KIF1B: variants seen among roughly 807,000 people sequenced by gnomAD.
The protein encoded by KIF1B is kinesin family member 1B.
Under a neutral mutation model 241.9 loss-of-function variants are expected in KIF1B, and 76 were observed. The observed-to-expected ratio is 0.31, with a 90% confidence interval of 0.26 to 0.38. The LOEUF (loss-of-function observed/expected upper bound fraction) is 0.38, where lower values mean the gene tolerates loss of function less well. Ranked by LOEUF, KIF1B falls within the 10% of genes least tolerant of loss-of-function variation. The probability of loss-of-function intolerance (pLI) is 1.00; values close to 1 mark genes in which losing one functional copy is unlikely to be tolerated. For missense variants in KIF1B, 1,622 were observed against 2,271.4 expected (o/e 0.71, Z 5.81); for synonymous variants, 750 against 796.7 (o/e 0.94, Z 0.99).
At chr1:10,273,658 T>C (rs1215183402) in intron 10 of KIF1B, among the ~76,000 whole-genome samples, 1 of 121,322 alleles carries the variant, frequency 8.2e-6, no homozygotes, top group Admixed American at 1.0e-4. Context: ...ACATATTTAA[T>C]AAGAGATGGA....
At chr1:10,224,883 G>T (rs1470347380) in intron 1 of KIF1B, among the ~76,000 whole-genome samples, 1 of 152,182 alleles carries the variant, frequency 6.6e-6, no homozygotes, top group Non-Finnish European at 1.5e-5. Context: ...TGGTTTTGTG[G>T]AAGACGGTTT....
chr1:10,365,895 A>G lies in KIF1B; in HGVS notation c.4752+247A>G, dbSNP rs74746404. On this transcript the variant is annotated intron_variant, in intron 43 of 48. Transcript: ENST00000676179. This position sits in a 1 kb window ranked among gnomAD's most constrained non-coding sequence, Gnocchi z 4.0. ...AGGGATTGCTTGAGCCCAGGAGTTA[A>G]AGACAAGCCCAGGCTAACATAGTGA... 0.013 allele frequency among the ~76,000 whole-genome samples: 1,915 copies of G among 152,246 alleles called. 84 individuals are homozygous for G. Among genetic ancestry groups the G allele is most frequent in the East Asian group, 0.12 (644 of 5,174 alleles).
intron 4 of KIF1B, 87 bp downstream of exon 4, chr1:10,258,759 A>G: frequency 7.7e-7 from 1 of 1,306,812 alleles, no homozygotes. Context: ...TTTGGCGAAC[A>G]TTTATGCGGG....
At chr1:10,294,798 G>A (rs1225949154) in intron 17 of KIF1B, among the ~76,000 whole-genome samples, 4 of 152,154 alleles carry the variant, frequency 2.6e-5, no homozygotes, top group South Asian at 2.1e-4. Context: ...AACCTGGAAG[G>A]CAGAGGTTGC....
At chr1:10,226,521 A>G (rs1557648516) in intron 1 of KIF1B, among the ~76,000 whole-genome samples, 2 of 152,202 alleles carry the variant, frequency 1.3e-5, no homozygotes, top group Non-Finnish European at 2.9e-5. Context: ...GTAGAACACA[A>G]AAGAAAAAAG....
At chr1:10,324,708 T>C in intron 25 of KIF1B, 50 bp from the exon 26 acceptor site, 2 of 1,605,594 alleles carry the variant, frequency 1.2e-6, no homozygotes, top group South Asian at 1.1e-5. Context: ...AGTGAAAGTT[T>C]AATGCAATCT....
rs373663596 is a variant in KIF1B, at chr1:10,339,780, G to A, written c.3434G>A (p.Arg1145His). The change falls in exon 32 of 49, where the codon CGC (arginine) becomes CAC (histidine). Residue 1145 changes from arginine (R) to histidine (H), a missense_variant. Arg to His is a conservative substitution (Grantham distance 29). Coordinates refer to ENST00000676179, the MANE Select transcript of KIF1B (RefSeq NM_001365951.3). ...DIFCQFNFLHRHDEAFSTEPL... is the reference protein window; with the variant it reads ...DIFCQFNFLHHHDEAFSTEPL... ...TTTTTTTTATGAAGCTTTTTGCATC[G>A]CCATGATGAAGCATTCTCCACGGAG... is the stretch of plus-strand genomic sequence containing the variant. 19 of 1,613,566 alleles carry A rather than the reference G, an allele frequency of 1.2e-5. No individual in the cohort carries two copies. The highest frequency in any genetic ancestry group is 2.7e-5 in the African/African-American group (2 of 74,800).
At chr1:10,281,248 C>A (rs915851244) in intron 14 of KIF1B, among the ~76,000 whole-genome samples, 1 of 152,048 alleles carries the variant, frequency 6.6e-6, no homozygotes, top group African/African-American at 2.4e-5. Flanking sequence ...ATTTTAGTTT[C>A]TCAGGTTTAA....
Position 10,282,312 on chromosome 1 carries a change from T to G in KIF1B, c.1223-10T>G. On this transcript the variant is annotated splice_polypyrimidine_tract_variant and intron_variant, in intron 14 of 48. Coordinates refer to ENST00000676179, the MANE Select transcript of KIF1B (RefSeq NM_001365951.3). ...TACTTTTCCTGCCTTCTCTTCTTTC[T>G]ATCTCCCAGATCTGAAAGATTTTCA... 1.9e-6 allele frequency: 3 copies of G among 1,608,682 alleles called. No homozygotes were observed. The highest frequency in any genetic ancestry group is 2.6e-6 in the Non-Finnish European group (3 of 1,175,290).
chr1:10,225,326 A>G (rs1158528766), intron 1 of KIF1B, among the ~76,000 whole-genome samples: 1 of 152,114 alleles, frequency 6.6e-6, no homozygotes, highest in African/African-American at 2.4e-5. Flanking sequence ...TTAAACAAAC[A>G]AACAAAAAAT....
At chr1:10,265,555 C>G (rs1293042036) in intron 5 of KIF1B, among the ~76,000 whole-genome samples, 1 of 152,076 alleles carries the variant, frequency 6.6e-6, no homozygotes, top group Non-Finnish European at 1.5e-5. Flanking sequence ...TTTTAAAACA[C>G]AAATTAAGGC....
At chr1:10,339,337 G>A (rs1652302842) in intron 31 of KIF1B, among the ~76,000 whole-genome samples, 1 of 152,158 alleles carries the variant, frequency 6.6e-6, no homozygotes, top group African/African-American at 2.4e-5. Flanking sequence ...GCCTGGAAGA[G>A]GTGACATTTG....
In KIF1B at chr1:10,380,875, T is replaced by G; in HGVS notation, c.*4288T>G. 4.6e-6 allele frequency: 1 copy of G among 218,964 alleles called. No homozygotes were observed. The highest frequency in any genetic ancestry group is 9.2e-6 in the Non-Finnish European group (1 of 108,726). The allele number at this position is 218,964 out of a possible 1,614,324, so 13.6% of individuals were successfully genotyped here. A position where few individuals can be genotyped will look rare whatever the true frequency, so the allele number is the denominator to read the frequency against. ...CAGGAATGTTTTAATTTGTGCTTCC[T>G]TAGTAAATTGAAATATCAGCTGAGA... On this transcript the variant is annotated 3_prime_UTR_variant, in exon 49 of 49. Coordinates refer to ENST00000676179, the MANE Select transcript of KIF1B (RefSeq NM_001365951.3).
chr1:10,366,170 G>T (rs1304105452), intron 43 of KIF1B, among the ~76,000 whole-genome samples: 1 of 152,188 alleles, frequency 6.6e-6, no homozygotes, highest in Non-Finnish European at 1.5e-5. Context: ...GGCGGAGATT[G>T]CAGTGAGCCG....
rs750119370 is a variant in KIF1B, at chr1:10,374,474, T to C, written c.5096+9T>C. The C allele has an allele frequency of 2.5e-6, 4 of 1,613,998 alleles. No homozygotes were observed. The highest frequency in any genetic ancestry group is 1.7e-5 in the Admixed American group (1 of 59,984). On this transcript the variant is annotated intron_variant, in intron 46 of 48. Transcript: ENST00000676179. This position sits in a 1 kb window ranked among gnomAD's most constrained non-coding sequence, Gnocchi z 4.3. ...GAAGAAATTAGACCAAGGTGAGTAC[T>C]ATATTGAGCAGGAATGCCAGCTATA...
intron 15 of KIF1B, among the ~76,000 whole-genome samples, chr1:10,285,662 A>C (rs1013819106): frequency 6.6e-6 from 1 of 152,244 alleles, no homozygotes; most frequent in Non-Finnish European, 1.5e-5. Context: ...GTGGTAGTTC[A>C]CTGAAGCATA....
intron 40 of KIF1B, among the ~76,000 whole-genome samples, chr1:10,363,000 A>G (rs1279756796): frequency 6.6e-6 from 1 of 152,212 alleles, no homozygotes; most frequent in African/African-American, 2.4e-5. Flanking sequence ...TTAGTCCAGG[A>G]GTTCGAGGCT....
chr1:10,260,073 T>C (rs1648041744), intron 4 of KIF1B, among the ~76,000 whole-genome samples: 2 of 152,174 alleles, frequency 1.3e-5, no homozygotes, highest in African/African-American at 4.8e-5. Context: ...GTTAGGTGCT[T>C]TTGTCATTGT....
At chr1:10,276,971 C>T (rs1327818035) in intron 12 of KIF1B, among the ~76,000 whole-genome samples, 3 of 151,918 alleles carry the variant, frequency 2.0e-5, no homozygotes, top group Non-Finnish European at 2.9e-5. Context: ...ATCCTAGCTA[C>T]TCAGGAGGCT....
Sources: allele counts gnomAD v4.1 joint callset (sites outside exome capture counted in the v4.1 genomes callset), GRCh38; gene constraint gnomAD v4.1.1; non-coding constraint Gnocchi (gnomAD v3.1); transcripts MANE v1.5; gene names NCBI Gene and HGNC (gene_info 2026-07-23, HGNC 2026-07-21).